Variants in KIAA0586 observed in about 807,000 individuals in gnomAD.
The protein encoded by KIAA0586 is KIAA0586, also known as protein TALPID3.
Under a neutral mutation model 169.8 loss-of-function variants are expected in KIAA0586, and 144 were observed. The observed-to-expected ratio is 0.85, with a 90% CI of 0.74 to 0.97. The LOEUF is 0.97. Ranked by LOEUF, KIAA0586 falls within the 50% of genes least tolerant of loss-of-function variation. KIAA0586 has a pLI of 0.00. For synonymous variants in KIAA0586, 625 were observed against 612.4 expected, an observed-to-expected ratio of 1.02 and a Z score of -0.30; for missense variants, 1,854 against 1,823.0, an observed-to-expected ratio of 1.02 and a Z score of -0.31.
intron 21 of KIAA0586, among the ~76,000 whole-genome samples, chr14:58,485,702 A>G (rs1228093306): frequency 6.6e-6 from 1 of 152,186 alleles, no homozygotes; most frequent in Admixed American, 6.5e-5. Context: ...TTGAATGATT[A>G]CCTATTCAAC....
In KIAA0586 at chr14:58,444,242, A is replaced by G. The variant is rs1169636184; in HGVS notation, c.807+67A>G. On this transcript the variant is annotated intron_variant, in intron 6 of 30. Coordinates refer to ENST00000652326, the MANE Select transcript of KIAA0586 (RefSeq NM_001329943.3). The stretch of plus-strand genomic sequence containing the variant: ...CACTTGGATCTCTCAGCCAGTATTC[A>G]TTGATAATTACAGTAGCTCATTAGA... The G allele has an allele frequency of 3.4e-5, 34 of 995,940 alleles. 1 individual carries two copies. In the Admixed American group the frequency reaches 6.2e-4, roughly 18 times the overall value. The allele number at this position is 995,940 out of a possible 1,614,324, so 61.7% of individuals were successfully genotyped here. A position where few individuals can be genotyped will look rare whatever the true frequency, so the allele number is the denominator to read the frequency against.
At chr14:58,556,111 CTT>C (rs376141256), downstream of KIAA0586, among the ~76,000 whole-genome samples, 7 of 152,302 alleles carry the variant, frequency 4.6e-5, no homozygotes, top group East Asian at 1.3e-3. Flanking sequence ...AAAATATCCA[CTT>C]TGTTTCTTTA....
chr14:58,456,289 C>T (rs2039844239), intron 9 of KIAA0586, among the ~76,000 whole-genome samples: 1 of 152,026 alleles, frequency 6.6e-6, no homozygotes, highest in Admixed American at 6.5e-5. Flanking sequence ...ATAAATGCTC[C>T]TGGGGTTCTT....
chr14:58,477,290 T>A (rs1566862565), intron 20 of KIAA0586, 49 bp downstream of exon 20: 6 of 952,680 alleles, frequency 6.3e-6, no homozygotes, highest in East Asian at 2.6e-5. Context: ...ACAAAAGCTT[T>A]AGTTCATCGT....
chr14:58,434,698 G>T (rs1344496282), intron 4 of KIAA0586, among the ~76,000 whole-genome samples: 1 of 152,134 alleles, frequency 6.6e-6, no homozygotes, highest in Non-Finnish European at 1.5e-5. Flanking sequence ...TTTAAAAATG[G>T]TAATAGCAAA....
At chr14:58,439,377 T>C (rs1165200946) in intron 4 of KIAA0586, among the ~76,000 whole-genome samples, 1 of 152,026 alleles carries the variant, frequency 6.6e-6, no homozygotes, top group East Asian at 1.9e-4. Context: ...TTAGTAGAGA[T>C]GGGGTTTCAC....
chr14:58,504,310 C>T (rs1166957801), intron 27 of KIAA0586, among the ~76,000 whole-genome samples: 3 of 151,934 alleles, frequency 2.0e-5, no homozygotes, highest in Admixed American at 6.6e-5. Context: ...TGAATGTGAG[C>T]AGTACAAAAG....
At chr14:58,468,547 A>G (rs1478390782) in intron 16 of KIAA0586, among the ~76,000 whole-genome samples, 2 of 152,206 alleles carry the variant, frequency 1.3e-5, no homozygotes, top group Non-Finnish European at 2.9e-5. Context: ...TTCAAACTTT[A>G]CACTAACATA....
intron 9 of KIAA0586, 45 bp downstream of exon 9, chr14:58,453,518 T>C: frequency 7.3e-7 from 1 of 1,369,048 alleles, no homozygotes. Flanking sequence ...AAAAGAGTTT[T>C]GTTAAGATTT....
intron 3 of KIAA0586, 124 bp from the exon 4 acceptor site, chr14:58,432,264 T>C (rs982233428): frequency 1.6e-6 from 1 of 607,886 alleles, no homozygotes; most frequent in Admixed American, 3.5e-5. Context: ...TCCTTTTCGA[T>C]CGTGGAATGC....
At chr14:58,510,658 A>G (rs1389931089) in intron 28 of KIAA0586, among the ~76,000 whole-genome samples, 1 of 152,190 alleles carries the variant, frequency 6.6e-6, no homozygotes, top group Non-Finnish European at 1.5e-5. Context: ...ATATTTACAC[A>G]AAGACATGTA....
intron 6 of KIAA0586, among the ~76,000 whole-genome samples, chr14:58,447,774 C>T (rs1033547515): frequency 6.6e-5 from 10 of 152,162 alleles, no homozygotes; most frequent in Non-Finnish European, 1.5e-4. Flanking sequence ...AGCCACTGCA[C>T]CGGGCCCCAT....
Position 58,492,171 on chromosome 14 carries a change from GTGATTAGGA to G in KIAA0586, c.3889_3897del (p.Ile1297_Met1299del). The G allele has an allele frequency of 6.5e-7, 1 of 1,547,268 alleles. No individual in the cohort carries two copies. Among genetic ancestry groups the G allele is most frequent in the Non-Finnish European group, 8.7e-7 (1 of 1,144,778 alleles). ...GGATGATCCTCCTAGTGAAGGGCAA[GTGATTAGGA>G]TGTCCCATAAAAAATTTCATGCAGA... On this transcript the variant is annotated inframe_deletion, in exon 26 of 31. Transcript: ENST00000652326.
chr14:58,428,194 T>C lies in KIAA0586; in HGVS notation c.-71T>C, dbSNP rs1302595680. 1 of 1,532,466 alleles carries C rather than the reference T, an allele frequency of 6.5e-7. No individual in the cohort carries two copies. Among genetic ancestry groups the C allele is most frequent in the African/African-American group, 1.4e-5 (1 of 71,814 alleles). The allele number at this position is 1,532,466 out of a possible 1,614,324, so 94.9% of individuals were successfully genotyped here. On this transcript the variant is annotated 5_prime_UTR_variant, in exon 1 of 31. Transcript: ENST00000652326. ...TTATTGCAAAGAGGTGAAAATTTTG[T>C]TCTGAAGTCTTAAGGAAACAGAGAA...
chr14:58,470,884 C>T (rs2041164769), intron 17 of KIAA0586, among the ~76,000 whole-genome samples, 161 bp downstream of exon 17: 2 of 151,726 alleles, frequency 1.3e-5, no homozygotes, highest in South Asian at 2.1e-4. Context: ...CAGAGTCTTG[C>T]TCTGTCGCCC....
chr14:58,539,532 A>G (rs528642894), intron 29 of KIAA0586, among the ~76,000 whole-genome samples: 3 of 152,282 alleles, frequency 2.0e-5, no homozygotes, highest in African/African-American at 4.8e-5. Context: ...TTCTCTGGCC[A>G]TAAAAAAGAT....
chr14:58,469,020 A>G (rs756208358), intron 16 of KIAA0586, among the ~76,000 whole-genome samples: 1 of 152,124 alleles, frequency 6.6e-6, no homozygotes, highest in Non-Finnish European at 1.5e-5. Context: ...TGAACAGTCA[A>G]CAGGCTCTTA....
Position 58,474,707 on chromosome 14 carries a change from C to T in KIAA0586, c.2735C>T (p.Pro912Leu), listed in dbSNP as rs139493302. 794 of 1,613,282 alleles carry T rather than the reference C, an allele frequency of 4.9e-4. 4 individuals carry two copies. The East Asian group carries it at 0.011, about 23-fold the overall frequency. Residue 912 changes from proline (P) to leucine (L), a missense_variant, in exon 19 of 31, where the codon CCG becomes CTG. Coordinates refer to ENST00000652326, the MANE Select transcript of KIAA0586 (RefSeq NM_001329943.3). ...DSTKYNGPPF[P>L]PVASTFQPTA... Reference sequence around the variant, plus strand: ...ACAAAATATAATGGTCCTCCATTTCCGCCAGTTGCTTCTACTTTTCAGCCC... The same window carrying T: ...ACAAAATATAATGGTCCTCCATTTCTGCCAGTTGCTTCTACTTTTCAGCCC...
intron 30 of KIAA0586, among the ~76,000 whole-genome samples, chr14:58,544,549 A>G (rs1386361327): frequency 6.6e-6 from 1 of 152,096 alleles, no homozygotes; most frequent in Non-Finnish European, 1.5e-5. Context: ...TGGCCTTTTA[A>G]TAATAGCCAT....
Sources: gnomAD v4.1 joint callset for allele counts (sites outside exome capture counted in the v4.1 genomes callset) on GRCh38, gnomAD v4.1.1 for gene constraint, MANE v1.5 for transcripts, NCBI Gene and HGNC (gene_info 2026-07-23, HGNC 2026-07-21) for gene names.